The following ZFC3H1 variants were observed in gnomAD, a reference collection of about 807,000 sequenced individuals.
ZFC3H1 encodes zinc finger C3H1 domain-containing protein.
ZFC3H1 carries 71 observed loss-of-function variants against 243.7 expected under a neutral mutation model. That is an observed-to-expected ratio of 0.29 (90% CI 0.24 to 0.36). The LOEUF (loss-of-function observed/expected upper bound fraction) is 0.36. Ranked by LOEUF, ZFC3H1 falls within the 10% of genes least tolerant of loss-of-function variation. The pLI, the probability that ZFC3H1 is intolerant of heterozygous loss-of-function variation, is 1.00. For synonymous variants in ZFC3H1, 838 were observed against 813.0 expected (o/e 1.03, Z -0.52); for missense variants, 1,966 against 2,317.1 (o/e 0.85, Z 3.11).
At chr12:71,650,672 T>A (rs1880861612) in intron 2 of ZFC3H1, among the ~76,000 whole-genome samples, 1 of 152,168 alleles carries the variant, frequency 6.6e-6, no homozygotes, top group Non-Finnish European at 1.5e-5. Flanking sequence ...AAGTTATTTT[T>A]AAAATCCATT....
chr12:71,624,365 C>A (rs1348515887), intron 22 of ZFC3H1, 73 bp from the exon 23 acceptor site: 3 of 1,390,698 alleles, frequency 2.2e-6, no homozygotes, highest in African/African-American at 2.9e-5. Flanking sequence ...TTTCACATTT[C>A]ATTAAGAAAC....
intron 27 of ZFC3H1, among the ~76,000 whole-genome samples, chr12:71,618,910 T>TA (rs1206312420): frequency 6.6e-6 from 1 of 151,830 alleles, no homozygotes; most frequent in Non-Finnish European, 1.5e-5. Context: ...TCTTCAGAAT[T>TA]AAAAAAAGAA....
chr12:71,611,775 T>G lies in ZFC3H1; in HGVS notation c.5729+11A>C. On this transcript the variant is annotated intron_variant, in intron 32 of 34. Transcript: ENST00000378743. ...ATAGCTATAAAAACATGTACATGATTGTTGCATTACATTTTCCAGGTGGCC... is the reference window on the plus strand; with the variant it reads ...ATAGCTATAAAAACATGTACATGATGGTTGCATTACATTTTCCAGGTGGCC... 6.3e-7 allele frequency: 1 copy of G among 1,590,046 alleles called. No individual in the cohort carries two copies. Among genetic ancestry groups the G allele is most frequent in the South Asian group, 1.1e-5 (1 of 89,992 alleles).
rs1056199379 is a variant in ZFC3H1 at position 71,637,797 on chromosome 12, C to A, written c.1725+621G>T. Among the ~76,000 whole-genome samples the A allele has an allele frequency of 5.3e-5, 8 of 152,134 alleles. 1 individual carries two copies. Among genetic ancestry groups the A allele is most frequent in the South Asian group, 4.1e-4 (2 of 4,830 alleles). On this transcript the variant is annotated intron_variant, in intron 7 of 34. Transcript: ENST00000378743. ...CCTGAAACGGAAAAGTTCCCTCTTACACCTACTGAGAGATACTCAATTTGA... is the reference window on the plus strand; with the variant it reads ...CCTGAAACGGAAAAGTTCCCTCTTAAACCTACTGAGAGATACTCAATTTGA...
rs557853263 is a variant in ZFC3H1, at chr12:71,663,293, G to C, written c.318C>G (p.Pro106=). The C allele has an allele frequency of 1.3e-5, 21 of 1,613,472 alleles. No homozygotes were observed. The highest frequency in any genetic ancestry group is 2.7e-5 in the African/African-American group (2 of 75,058). The part of the protein sequence containing the change: ...GHLRGPSSYR[P]KEPFRSHPPS... ...GCGGATGAGACCGGAACGGTTCTTT[G>C]GGTCGGTAGCTGCTGGGTCCCCTGA... Residue 106 remains proline (P), a synonymous_variant, in exon 1 of 35, where the codon CCC becomes CCG. Coordinates refer to ENST00000378743, the MANE Select transcript of ZFC3H1 (RefSeq NM_144982.5).
chr12:71,627,986 G>T (rs1317768162), intron 20 of ZFC3H1, 52 bp from the exon 21 acceptor site: 3 of 1,526,804 alleles, frequency 2.0e-6, no homozygotes, highest in African/African-American at 1.4e-5. Flanking sequence ...GTCCACAGAT[G>T]CAAGAAAAAG....
chr12:71,661,906 C>T (rs1259613344), intron 1 of ZFC3H1, among the ~76,000 whole-genome samples: 1 of 152,190 alleles, frequency 6.6e-6, no homozygotes, highest in African/African-American at 2.4e-5. Flanking sequence ...CATTCCTTGC[C>T]CCTTTTACAT....
At chr12:71,656,385 C>T in intron 2 of ZFC3H1, 2 of 499,966 alleles carry the variant, frequency 4.0e-6, no homozygotes, top group South Asian at 3.7e-5. Flanking sequence ...CGCAAGCATA[C>T]AAGGGTGGTT....
At chr12:71,640,053 C>G (rs1470922825) in intron 6 of ZFC3H1, among the ~76,000 whole-genome samples, 5 of 152,098 alleles carry the variant, frequency 3.3e-5, no homozygotes, top group African/African-American at 1.2e-4. Flanking sequence ...GACAGAGTGT[C>G]GCTCAGTGCC....
chr12:71,625,521 A>G (rs1055659008), intron 22 of ZFC3H1, among the ~76,000 whole-genome samples: 2 of 152,116 alleles, frequency 1.3e-5, no homozygotes, highest in Admixed American at 1.3e-4. Context: ...GCAAAAACCC[A>G]TCTCTACAAA....
At chr12:71,640,544 C>T (rs17110070) in intron 6 of ZFC3H1, among the ~76,000 whole-genome samples, 8,845 of 152,266 alleles carry the variant, frequency 0.058, 356 homozygotes, top group South Asian at 0.087. Context: ...TATTTGCAGC[C>T]TCAGAGCTTG....
At chr12:71,649,490 T>C (rs1880825210) in intron 2 of ZFC3H1, among the ~76,000 whole-genome samples, 1 of 152,244 alleles carries the variant, frequency 6.6e-6, no homozygotes, top group African/African-American at 2.4e-5. Flanking sequence ...AGCTGTGCTA[T>C]CATTTTTCAT....
At chr12:71,645,804 T>C (rs1045659671) in intron 3 of ZFC3H1, among the ~76,000 whole-genome samples, 6 of 152,206 alleles carry the variant, frequency 3.9e-5, no homozygotes, top group Non-Finnish European at 8.8e-5. Flanking sequence ...TCGAAATAGT[T>C]TAAAAAATTA....
At chr12:71,643,427 T>C (rs2137547266) in intron 5 of ZFC3H1, among the ~76,000 whole-genome samples, 1 of 151,512 alleles carries the variant, frequency 6.6e-6, no homozygotes, top group East Asian at 2.0e-4. Context: ...AAAAAAAAAA[T>C]TTCAAAGTAT....
intron 1 of ZFC3H1, among the ~76,000 whole-genome samples, chr12:71,661,053 C>G (rs969092461): frequency 2.0e-5 from 3 of 152,024 alleles, no homozygotes; most frequent in African/African-American, 4.8e-5. Context: ...CCTGTAATCC[C>G]AGCACTTTGG....
rs1008131227 is a variant in ZFC3H1, at chr12:71,634,723, A to G, written c.2341T>C (p.Leu781=). ...PEEKKIEYRL[L]KEEIANREKQ... ...ACTTACTTGGCAATCTCTTCCTTTA[A>G]CAATCTATATTCAATCTTCTTTTCT... The change falls in exon 11 of 35, where the codon TTA becomes CTA. Residue 781 remains leucine, a synonymous_variant. Coordinates refer to ENST00000378743, the MANE Select transcript of ZFC3H1 (RefSeq NM_144982.5). 8 of 1,593,432 alleles carry G rather than the reference A, an allele frequency of 5.0e-6. No homozygotes were observed. In the African/African-American group the frequency reaches 8.2e-5, roughly 16 times the overall value.
At chr12:71,662,966 G>C (rs779276237) in intron 1 of ZFC3H1, 47 bp downstream of exon 1, 13 of 1,522,304 alleles carry the variant, frequency 8.5e-6, no homozygotes, top group Non-Finnish European at 1.1e-5. Context: ...TGACGCTAAA[G>C]GGAACTTTAG....
Position 71,632,508 on chromosome 12 carries a change from T to TA in ZFC3H1, c.2823_2824insT (p.Lys942Ter). On this transcript the variant is annotated frameshift_variant, in exon 15 of 35. Transcript: ENST00000378743. LOFTEE classifies it high-confidence loss of function. ...GGAGAACTGTCCAGTCTCATCATTT[T>TA]GTTTGGCTAAGGGAGAAAAATGATA... 6.4e-7 allele frequency: 1 copy of TA among 1,554,722 alleles called. No individual in the cohort carries two copies. Among genetic ancestry groups the TA allele is most frequent in the Non-Finnish European group, 8.6e-7 (1 of 1,163,620 alleles).
At position 71,634,776 on chromosome 12, in the gene ZFC3H1, G is replaced by C. The variant is rs1374512962; in HGVS notation, c.2288C>G (p.Pro763Arg). The C allele has an allele frequency of 6.2e-7, 1 of 1,606,186 alleles. No individual in the cohort carries two copies. The highest frequency in any genetic ancestry group is 1.3e-5 in the African/African-American group (1 of 74,118). Residue 763 changes from proline to arginine, a missense_variant, in exon 11 of 35, where the codon CCT becomes CGT. Pro to Arg is a moderately radical substitution (Grantham distance 103, BLOSUM62 -2). Transcript: ENST00000378743. ...AGGCAAAGCCTCCGGTGTTCGCAGA[G>C]GATCATTTTCTTTTTCAGATTTTGG... ...VPPKSEKEND[P>R]LRTPEALPEE... is the part of the protein sequence containing the mutation.
Sources: allele counts gnomAD v4.1 joint callset (sites outside exome capture counted in the v4.1 genomes callset), GRCh38; gene constraint gnomAD v4.1.1; transcripts MANE v1.5; gene names NCBI Gene and HGNC (gene_info 2026-07-23, HGNC 2026-07-21).